CALN1: variants seen among roughly 807,000 people sequenced by gnomAD.
CALN1 encodes the protein calneuron 1, also known as calcium-binding protein 8.
Under a neutral mutation model 30.6 loss-of-function variants are expected in CALN1, and 17 were observed. That is an observed-to-expected ratio of 0.56 (90% CI 0.38 to 0.83). CALN1 has a LOEUF of 0.83. Ranked by LOEUF, CALN1 falls within the 40% of genes least tolerant of loss-of-function variation. The pLI is 0.00. For missense variants in CALN1, 291 were observed against 354.9 expected (o/e 0.82, Z 1.45); for synonymous variants, 156 against 131.4 (o/e 1.19, Z -1.28).
At chr7:71,875,837 T>C (rs1287446032) in intron 5 of CALN1, among the ~76,000 whole-genome samples, 1 of 152,196 alleles carries the variant, frequency 6.6e-6, no homozygotes, top group East Asian at 1.9e-4. Flanking sequence ...ACTTTAAAAG[T>C]GGTCTGTTGG....
chr7:71,925,619 A>G (rs1795230022), intron 5 of CALN1, among the ~76,000 whole-genome samples: 1 of 152,104 alleles, frequency 6.6e-6, no homozygotes, highest in South Asian at 2.1e-4. Context: ...TTAAAAATAT[A>G]GACTTCTGGG....
intron 2 of CALN1, among the ~76,000 whole-genome samples, chr7:72,288,252 C>A (rs1798233972): frequency 6.6e-6 from 1 of 152,104 alleles, no homozygotes; most frequent in Non-Finnish European, 1.5e-5. Context: ...CAACATGATG[C>A]CATTAAACAT....
intron 3 of CALN1, among the ~76,000 whole-genome samples, chr7:72,127,342 C>T (rs1340583242): frequency 1.3e-5 from 2 of 152,036 alleles, no homozygotes; most frequent in Admixed American, 6.6e-5. Flanking sequence ...GAGAGAAAAA[C>T]AGGTGAGAAG....
chr7:72,148,595 G>A (rs111895580), intron 3 of CALN1, among the ~76,000 whole-genome samples: 402 of 151,814 alleles, frequency 2.6e-3, no homozygotes, highest in Non-Finnish European at 4.3e-3. Context: ...GACAATGTGA[G>A]GACCTGTCTC....
the CALN1 span, among the ~76,000 whole-genome samples, chr7:72,477,211 C>CAAAAAA: frequency 2.7e-5 from 4 of 147,270 alleles, no homozygotes; most frequent in African/African-American, 7.9e-5. Context: ...ACTGTCTCAA[C>CAAAAAA]AAAAAAAGAA....
At chr7:72,432,242 C>T (rs59757368) in intron 1 of CALN1, among the ~76,000 whole-genome samples, 3,718 of 152,242 alleles carry the variant, frequency 0.024, 148 homozygotes, top group African/African-American at 0.082. Flanking sequence ...CTCTTGCCTG[C>T]CACCATGTAA....
At chr7:72,371,288 T>C (rs929694808) in intron 2 of CALN1, among the ~76,000 whole-genome samples, 1 of 152,188 alleles carries the variant, frequency 6.6e-6, no homozygotes, top group Non-Finnish European at 1.5e-5. Context: ...TATGTTTGCA[T>C]GTATGCATAT....
chr7:71,906,437 T>G (rs1026491237), intron 5 of CALN1, among the ~76,000 whole-genome samples: 1 of 152,066 alleles, frequency 6.6e-6, no homozygotes, highest in Non-Finnish European at 1.5e-5. Context: ...AGAAATATAG[T>G]AGTCACTAGA....
chr7:72,308,549 G>C (rs1369105763), intron 2 of CALN1, among the ~76,000 whole-genome samples: 1 of 152,186 alleles, frequency 6.6e-6, no homozygotes, highest in Non-Finnish European at 1.5e-5. Context: ...ATGAATGAAT[G>C]AATGAACGAT....
At chr7:72,347,815 T>C (rs1235624185) in intron 2 of CALN1, among the ~76,000 whole-genome samples, 2 of 152,170 alleles carry the variant, frequency 1.3e-5, no homozygotes, top group Non-Finnish European at 2.9e-5. Flanking sequence ...GGTGCAAAAG[T>C]AATTGCAGTT....
At chr7:71,998,463 G>A (rs1302658958) in intron 5 of CALN1, among the ~76,000 whole-genome samples, 1 of 152,096 alleles carries the variant, frequency 6.6e-6, no homozygotes, top group Non-Finnish European at 1.5e-5. Flanking sequence ...GAAGGTAATG[G>A]TTCTAAAAGG....
chr7:72,259,404 T>C (rs893570130), intron 3 of CALN1, among the ~76,000 whole-genome samples: 2 of 152,158 alleles, frequency 1.3e-5, no homozygotes, highest in African/African-American at 2.4e-5. Flanking sequence ...CCAGACTCCC[T>C]GTCCCTGGTC....
In CALN1 at chr7:72,142,043, G is replaced by C. The variant is rs146445389; in HGVS notation, c.245-35749C>G. Among the ~76,000 whole-genome samples, 609 of 152,310 alleles carry C rather than the reference G, an allele frequency of 4.0e-3. 5 individuals carry two copies. Among genetic ancestry groups the C allele is most frequent in the Middle Eastern group, 6.8e-3 (2 of 294 alleles). On this transcript the variant is annotated intron_variant, in intron 3 of 6. Coordinates refer to ENST00000395275, the MANE Select transcript of CALN1 (RefSeq NM_031468.4). ...AGCTCCAGTCTACAGCTCCCAGCGT[G>C]AGCGACGCAGAAGACAGGTGATTTC...
At chr7:72,475,592 T>A in the CALN1 span, among the ~76,000 whole-genome samples, 1,505 of 152,326 alleles carry the variant, frequency 9.9e-3, 25 homozygotes, top group African/African-American at 0.035. Flanking sequence ...CCTAGAGAGA[T>A]TTACTTTTCA....
At chr7:72,218,367 G>A (rs977955653) in intron 3 of CALN1, among the ~76,000 whole-genome samples, 3 of 151,982 alleles carry the variant, frequency 2.0e-5, no homozygotes, top group Non-Finnish European at 4.4e-5. Context: ...AGAATCACTT[G>A]AACCCAGCAG....
intron 2 of CALN1, among the ~76,000 whole-genome samples, chr7:72,364,818 G>A: frequency 6.6e-6 from 1 of 152,152 alleles, no homozygotes; most frequent in East Asian, 1.9e-4. Context: ...TTATTCAAAA[G>A]TAGTATTAGT....
chr7:72,329,760 C>T (rs757221162), intron 2 of CALN1, among the ~76,000 whole-genome samples: 2 of 151,498 alleles, frequency 1.3e-5, no homozygotes, highest in East Asian at 2.0e-4. Context: ...TCGAGACCAG[C>T]GCGGCCAACA....
intron 5 of CALN1, among the ~76,000 whole-genome samples, chr7:71,865,927 A>G (rs1791557584): frequency 6.6e-6 from 1 of 152,250 alleles, no homozygotes; most frequent in African/African-American, 2.4e-5. Context: ...CAATTTTAGA[A>G]AGAGTAGTAA....
chr7:72,269,747 C>G (rs1011646671), intron 3 of CALN1, among the ~76,000 whole-genome samples: 1 of 152,154 alleles, frequency 6.6e-6, no homozygotes, highest in Non-Finnish European at 1.5e-5. Context: ...CATAATCACT[C>G]TAACATAGGA....
Sources: allele counts gnomAD v4.1 joint callset (sites outside exome capture counted in the v4.1 genomes callset), GRCh38; gene constraint gnomAD v4.1.1; transcripts MANE v1.5; gene names NCBI Gene and HGNC (gene_info 2026-07-23, HGNC 2026-07-21).